The following ERBIN variants were observed in gnomAD, a reference collection of about 807,000 sequenced individuals.
The protein encoded by ERBIN is erbb2 interacting protein, also known as densin-180-like protein.
Under a neutral mutation model 158.4 loss-of-function variants are expected in ERBIN, and 60 were observed. The ratio of observed to expected loss-of-function variants is 0.38; its 90% confidence interval spans 0.31 to 0.47. The LOEUF (loss-of-function observed/expected upper bound fraction) is 0.47. ERBIN is among the 20% of genes least tolerant of loss of function. ERBIN has a pLI of 0.99. For synonymous variants in ERBIN, 594 were observed against 557.2 expected (o/e 1.07, Z -0.93); for missense variants, 1,610 against 1,648.0 (o/e 0.98, Z 0.40).
At chr5:65,970,325 A>G (rs1561311478) in intron 1 of ERBIN, among the ~76,000 whole-genome samples, 1 of 152,182 alleles carries the variant, frequency 6.6e-6, no homozygotes, top group African/African-American at 2.4e-5. Flanking sequence ...TAAGTCTTAA[A>G]AACTGCTGCT....
intron 1 of ERBIN, among the ~76,000 whole-genome samples, chr5:65,940,978 ATTC>A (rs2150881795): frequency 6.6e-6 from 1 of 152,224 alleles, no homozygotes; most frequent in Admixed American, 6.5e-5. Flanking sequence ...ACTAAGAAAA[ATTC>A]TTCTGCCTTG....
At chr5:66,077,551 T>G (rs924831479) in intron 25 of ERBIN, among the ~76,000 whole-genome samples, 1 of 152,096 alleles carries the variant, frequency 6.6e-6, no homozygotes, top group African/African-American at 2.4e-5. Flanking sequence ...CCAGACTGCC[T>G]GAGTTTAAAT....
At chr5:65,986,036 T>C (rs1751190879) in intron 1 of ERBIN, among the ~76,000 whole-genome samples, 1 of 152,180 alleles carries the variant, frequency 6.6e-6, no homozygotes, top group Non-Finnish European at 1.5e-5. Flanking sequence ...CCTTTGCTGG[T>C]CATCTATAAT....
At chr5:66,023,639 T>A (rs1392589810) in intron 9 of ERBIN, among the ~76,000 whole-genome samples, 6 of 151,994 alleles carry the variant, frequency 3.9e-5, no homozygotes, top group Admixed American at 3.9e-4. Context: ...CCCAAGGAAT[T>A]GGTAAACTAG....
At chr5:65,967,414 C>T (rs922541226) in intron 1 of ERBIN, among the ~76,000 whole-genome samples, 5 of 151,928 alleles carry the variant, frequency 3.3e-5, no homozygotes, top group Non-Finnish European at 7.4e-5. Flanking sequence ...ATCTTTCATA[C>T]CATATTTTTG....
chr5:66,040,342 A>G (rs1008293738), intron 15 of ERBIN, among the ~76,000 whole-genome samples: 1 of 151,848 alleles, frequency 6.6e-6, no homozygotes, highest in Non-Finnish European at 1.5e-5. Context: ...TTCTTTTTCT[A>G]TTCTATCATT....
At chr5:66,018,780 G>A (rs1755347095) in intron 7 of ERBIN, among the ~76,000 whole-genome samples, 1 of 147,782 alleles carries the variant, frequency 6.8e-6, no homozygotes, top group Non-Finnish European at 1.5e-5. Context: ...GGGACTACAG[G>A]CGCCCGCCAC....
rs141698371 is a variant in ERBIN at position 66,002,932 on chromosome 5, T to C, written c.307+8068T>C. 2.4e-3 allele frequency among the ~76,000 whole-genome samples: 360 copies of C among 152,370 alleles called. 4 individuals are homozygous for C. Among genetic ancestry groups the C allele is most frequent in the African/African-American group, 8.2e-3 (342 of 41,590 alleles). The stretch of plus-strand genomic sequence containing the variant: ...AGAAGGAAAACCATGTTTTACACTG[T>C]CCATGTTTAGACTGGTGATTTCTGG... On this transcript the variant is annotated intron_variant, in intron 4 of 25. Coordinates refer to ENST00000284037, the MANE Select transcript of ERBIN (RefSeq NM_001253697.2).
chr5:65,987,948 G>A (rs921126619), intron 1 of ERBIN, among the ~76,000 whole-genome samples: 7 of 152,014 alleles, frequency 4.6e-5, no homozygotes, highest in African/African-American at 1.7e-4. Flanking sequence ...TTGGCCATTC[G>A]AGTTTATTTG....
chr5:65,962,608 G>A (rs1323047966), intron 1 of ERBIN, among the ~76,000 whole-genome samples: 1 of 152,028 alleles, frequency 6.6e-6, no homozygotes, highest in Non-Finnish European at 1.5e-5. Context: ...TTAATACTGG[G>A]GAATTAAGTA....
intron 1 of ERBIN, among the ~76,000 whole-genome samples, chr5:65,933,315 A>G (rs1381869718): frequency 6.6e-6 from 1 of 152,216 alleles, no homozygotes; most frequent in Non-Finnish European, 1.5e-5. Flanking sequence ...GGTCATTTAA[A>G]TATATGTTCC....
At chr5:66,065,216 G>C (rs1467312587) in intron 21 of ERBIN, among the ~76,000 whole-genome samples, 2 of 152,162 alleles carry the variant, frequency 1.3e-5, no homozygotes, top group African/African-American at 4.8e-5. Flanking sequence ...AATTTTCCTA[G>C]GCAGTAATTA....
At chr5:66,027,579 A>G (rs942982984) in intron 13 of ERBIN, among the ~76,000 whole-genome samples, 1 of 152,048 alleles carries the variant, frequency 6.6e-6, no homozygotes, top group Non-Finnish European at 1.5e-5. Flanking sequence ...TATTCCCTAA[A>G]CAATACAGTA....
intron 1 of ERBIN, among the ~76,000 whole-genome samples, chr5:65,951,095 C>T (rs1362692479): frequency 6.6e-6 from 1 of 152,132 alleles, no homozygotes; most frequent in Non-Finnish European, 1.5e-5. Context: ...AGACTAAATG[C>T]TGGTGACACG....
chr5:65,965,075 G>A (rs114860976), intron 1 of ERBIN, among the ~76,000 whole-genome samples: 3,871 of 151,314 alleles, frequency 0.026, 74 homozygotes, highest in Non-Finnish European at 0.039. Context: ...ACAGGCATGA[G>A]CCCCTGTGCC....
intron 21 of ERBIN, among the ~76,000 whole-genome samples, chr5:66,065,803 T>C (rs6893871): frequency 0.058 from 8,828 of 152,152 alleles, 890 homozygotes; most frequent in African/African-American, 0.2. Flanking sequence ...AAAGCTGGTC[T>C]GAAGAATTTC....
chr5:65,946,648 A>G (rs555537607), intron 1 of ERBIN, among the ~76,000 whole-genome samples: 39 of 152,218 alleles, frequency 2.6e-4, no homozygotes, highest in Non-Finnish European at 4.4e-4. Flanking sequence ...GGATAAAAGT[A>G]TAAGAGTATG....
rs147593447 is a variant in ERBIN at position 66,066,665 on chromosome 5, T to G, written c.3634-5504T>G. 3.9e-5 allele frequency among the ~76,000 whole-genome samples: 6 copies of G among 152,314 alleles called. No homozygotes were observed. The East Asian group carries it at 9.6e-4, about 24-fold the overall frequency. On this transcript the variant is annotated intron_variant, in intron 21 of 25. Coordinates refer to ENST00000284037, the MANE Select transcript of ERBIN (RefSeq NM_001253697.2). ...TTTTATTTCAGAGGTGAATGGTTAC[T>G]ATCAGCATTTACTAACATTCCTTAT...
chr5:65,960,174 TTTTCA>T (rs1747754270), intron 1 of ERBIN, among the ~76,000 whole-genome samples: 1 of 152,260 alleles, frequency 6.6e-6, no homozygotes, highest in South Asian at 2.1e-4. Flanking sequence ...TGAACTACTT[TTTTCA>T]TGATGAAATG....
Sources: gnomAD v4.1 joint callset for allele counts (sites outside exome capture counted in the v4.1 genomes callset) on GRCh38, gnomAD v4.1.1 for gene constraint, MANE v1.5 for transcripts, NCBI Gene and HGNC (gene_info 2026-07-23, HGNC 2026-07-21) for gene names.